The following GSE1 variants were observed in gnomAD, a reference collection of about 807,000 sequenced individuals.
The protein encoded by GSE1 is Gse1 coiled-coil protein.
Under a neutral mutation model 112.6 loss-of-function variants are expected in GSE1, and 32 were observed. The ratio of observed to expected loss-of-function variants is 0.28; its 90% CI spans 0.21 to 0.38. GSE1 has a LOEUF of 0.38. GSE1 is among the 10% of genes least tolerant of loss of function. The pLI, the probability that GSE1 is intolerant of heterozygous loss-of-function variation, is 1.00. For missense variants in GSE1, 2,348 were observed against 1,699.2 expected (o/e 1.38, Z -6.71); for synonymous variants, 1,115 against 735.6 (o/e 1.52, Z -8.35).
At chr16:85,427,020 T>C (rs916234167) in intron 2 of GSE1, among the ~76,000 whole-genome samples, 11 of 152,162 alleles carry the variant, frequency 7.2e-5, no homozygotes, top group Non-Finnish European at 1.5e-4. Context: ...AATGGAGCTA[T>C]GAGGCTGTCC....
chr16:85,513,869 A>G (rs2051829622), intron 2 of GSE1, among the ~76,000 whole-genome samples: 2 of 151,972 alleles, frequency 1.3e-5, no homozygotes, highest in South Asian at 2.1e-4. Context: ...CACGTGTACA[A>G]TGCAGAAATC....
At chr16:85,539,922 A>G (rs1244508294) in intron 2 of GSE1, among the ~76,000 whole-genome samples, 1 of 152,180 alleles carries the variant, frequency 6.6e-6, no homozygotes, top group Non-Finnish European at 1.5e-5. Flanking sequence ...GGGGCCTGTG[A>G]CCTGGTGAGA....
chr16:85,434,874 C>T (rs59883912), intron 2 of GSE1, among the ~76,000 whole-genome samples: 1 of 152,114 alleles, frequency 6.6e-6, no homozygotes, highest in Non-Finnish European at 1.5e-5. Flanking sequence ...CTGGGCTTGC[C>T]CATCTTGGTC....
At chr16:85,382,857 CACACACA>C (rs2047582375) in intron 2 of GSE1, among the ~76,000 whole-genome samples, 1 of 151,534 alleles carries the variant, frequency 6.6e-6, no homozygotes, top group South Asian at 2.1e-4. Flanking sequence ...CATACATGTG[CACACACA>C]GCACACATGC....
At chr16:85,607,996 C>A (rs1216003714), upstream of GSE1, among the ~76,000 whole-genome samples, 1 of 151,364 alleles carries the variant, frequency 6.6e-6, no homozygotes, top group Non-Finnish European at 1.5e-5. Flanking sequence ...CTGTATTCCT[C>A]CCCCCCATGA....
At chr16:85,365,066 G>T (rs1373322951) in intron 2 of GSE1, among the ~76,000 whole-genome samples, 6 of 152,218 alleles carry the variant, frequency 3.9e-5, no homozygotes, top group Non-Finnish European at 5.9e-5. Flanking sequence ...CATCTTTGGG[G>T]CAGCCCTTTG....
At chr16:85,333,026 A>C (rs534685595) in intron 1 of GSE1, among the ~76,000 whole-genome samples, 1 of 152,172 alleles carries the variant, frequency 6.6e-6, no homozygotes, top group South Asian at 2.1e-4. Flanking sequence ...ACCAGGGACC[A>C]CTTCTCCACC....
At chr16:85,202,137 A>C (rs1367867957) in intron 1 of GSE1, among the ~76,000 whole-genome samples, 1 of 152,226 alleles carries the variant, frequency 6.6e-6, no homozygotes, top group Non-Finnish European at 1.5e-5. Context: ...GGCCCCCATC[A>C]GGGCCCGGGC....
At chr16:85,371,657 A>T (rs1416754113) in intron 2 of GSE1, among the ~76,000 whole-genome samples, 1 of 152,092 alleles carries the variant, frequency 6.6e-6, no homozygotes, top group Non-Finnish European at 1.5e-5. Flanking sequence ...CTGTGCATGG[A>T]CCCTTACGGG....
chr16:85,529,148 A>T (rs747140471), intron 2 of GSE1, among the ~76,000 whole-genome samples: 2 of 151,972 alleles, frequency 1.3e-5, no homozygotes, highest in Admixed American at 1.3e-4. Context: ...ACTTGGTCCA[A>T]TTCCGGATGT....
chr16:85,505,038 C>T (rs900361541), intron 2 of GSE1, among the ~76,000 whole-genome samples: 2 of 152,220 alleles, frequency 1.3e-5, no homozygotes, highest in Admixed American at 6.5e-5. Context: ...CACAGCCCCA[C>T]GTGACCCAGC....
intron 2 of GSE1, among the ~76,000 whole-genome samples, chr16:85,481,656 C>T (rs369244417): frequency 1.4e-4 from 21 of 152,278 alleles, no homozygotes; most frequent in Non-Finnish European, 2.5e-4. Context: ...GGAGCTGAGA[C>T]GAGCAGGTGG....
At chr16:85,389,038 C>T (rs1402762220) in intron 2 of GSE1, among the ~76,000 whole-genome samples, 2 of 152,210 alleles carry the variant, frequency 1.3e-5, no homozygotes, top group South Asian at 4.1e-4. Flanking sequence ...CATGGAATGG[C>T]CCTCATTGAC....
Position 85,674,764 on chromosome 16 carries a change from G to C in GSE1, c.*2225G>C, listed in dbSNP as rs1307835618. ...GGGGACAGGTGGCACACCATGAGAGGTCTGCCCAGGGTGGGAGCAGTGTCA... is the reference window on the plus strand; with the variant it reads ...GGGGACAGGTGGCACACCATGAGAGCTCTGCCCAGGGTGGGAGCAGTGTCA... On this transcript the variant is annotated 3_prime_UTR_variant, in exon 16 of 16. Transcript: ENST00000253458. 1.3e-5 allele frequency: 2 copies of C among 152,396 alleles called. No individual in the cohort carries two copies. Among genetic ancestry groups the C allele is most frequent in the Non-Finnish European group, 2.9e-5 (2 of 68,052 alleles). The allele number at this position is 152,396 out of a possible 1,614,324, so 9.4% of individuals were successfully genotyped here. A position where few individuals can be genotyped will look rare whatever the true frequency, so the allele number is the denominator to read the frequency against.
At chr16:85,604,964 C>T (rs993197317) in intron 1 of GSE1, among the ~76,000 whole-genome samples, 4 of 143,184 alleles carry the variant, frequency 2.8e-5, no homozygotes, top group African/African-American at 5.3e-5. Context: ...ACTACAGGCG[C>T]CCTCCACCAC....
chr16:85,551,297 C>T (rs944049456), upstream of GSE1, among the ~76,000 whole-genome samples: 3 of 152,336 alleles, frequency 2.0e-5, no homozygotes, highest in Admixed American at 6.5e-5. Context: ...TTACGAAGAG[C>T]GCTGCCCTTC....
intron 1 of GSE1, among the ~76,000 whole-genome samples, chr16:85,172,841 G>A (rs1052078830): frequency 1.3e-5 from 2 of 152,220 alleles, no homozygotes; most frequent in African/African-American, 4.8e-5. Flanking sequence ...GGGCACGGAG[G>A]TGGACTATCT....
intron 1 of GSE1, among the ~76,000 whole-genome samples, chr16:85,333,193 G>T (rs2046411303): frequency 6.6e-6 from 1 of 152,288 alleles, no homozygotes; most frequent in East Asian, 1.9e-4. Context: ...TACCAGGAGG[G>T]GTGGCAGGGG....
intron 1 of GSE1, among the ~76,000 whole-genome samples, chr16:85,277,632 G>T (rs1909500299): frequency 6.6e-6 from 1 of 152,200 alleles, no homozygotes; most frequent in Non-Finnish European, 1.5e-5. Context: ...ACCCCACCTG[G>T]AAGAGCCCCT....
Sources: allele counts gnomAD v4.1 joint callset (sites outside exome capture counted in the v4.1 genomes callset), GRCh38; gene constraint gnomAD v4.1.1; transcripts MANE v1.5; gene names NCBI Gene and HGNC (gene_info 2026-07-23, HGNC 2026-07-21).